Variants in SI observed in about 807,000 individuals in gnomAD.
SI encodes sucrase-isomaltase, also known as sucrase-isomaltase, intestinal.
SI carries 235 observed loss-of-function variants against 253.3 expected under a neutral mutation model. That is an observed-to-expected ratio of 0.93 (90% CI 0.83 to 1.03). The LOEUF (loss-of-function observed/expected upper bound fraction) is 1.03. Ranked by LOEUF, SI falls within the 50% of genes least tolerant of loss-of-function variation. The probability of loss-of-function intolerance (pLI) is 0.00; values close to 1 mark genes in which losing one functional copy is unlikely to be tolerated. For missense variants in SI, 2,442 were observed against 2,211.1 expected, an observed-to-expected ratio of 1.10 and a Z score of -2.09; for synonymous variants, 819 against 712.0, an observed-to-expected ratio of 1.15 and a Z score of -2.39.
At position 165,043,088 on chromosome 3, in the gene SI, A is replaced by T. The variant is rs1712930777; in HGVS notation, c.1975T>A (p.Ser659Thr). The change falls in exon 17 of 48, where the codon TCC (serine) becomes ACC (threonine). Residue 659 changes from serine to threonine, a missense_variant. Transcript: ENST00000264382. ...WMQLGAFYPF[S>T]RNHNSDGYEH... ...TATCCGTCAGAATTATGGTTTCTGG[A>T]AAATGGATAAAATGCCCCAAGTTGC... 2 of 1,611,470 alleles carry T rather than the reference A, an allele frequency of 1.2e-6. No homozygotes were observed. Among genetic ancestry groups the T allele is most frequent in the East Asian group, 4.5e-5 (2 of 44,714 alleles).
At chr3:165,034,253 C>A (rs1412944950) in intron 22 of SI, among the ~76,000 whole-genome samples, 2 of 151,854 alleles carry the variant, frequency 1.3e-5, no homozygotes, top group Non-Finnish European at 2.9e-5. Context: ...ATGCACATAG[C>A]TACATAGGTA....
At chr3:165,023,805 G>C (rs1559994202) in intron 25 of SI, 29 bp from the exon 26 acceptor site, 1 of 1,467,856 alleles carries the variant, frequency 6.8e-7, no homozygotes, top group Admixed American at 1.7e-5. Context: ...TTCATTGCCA[G>C]AAATTATAAG....
At chr3:165,025,604 G>A (rs1711868990) in intron 25 of SI, among the ~76,000 whole-genome samples, 1 of 151,014 alleles carries the variant, frequency 6.6e-6, no homozygotes, top group South Asian at 2.1e-4. Flanking sequence ...TGAGGCAAAA[G>A]CACTAGCTAA....
At chr3:165,055,330 T>C (rs752077701) in intron 12 of SI, 23 bp from the exon 13 acceptor site, 2 of 1,181,704 alleles carry the variant, frequency 1.7e-6, no homozygotes, top group Non-Finnish European at 2.5e-6. Flanking sequence ...ATCATTCACA[T>C]ATATACATAA....
intron 41 of SI, among the ~76,000 whole-genome samples, chr3:164,992,963 T>G (rs189801613): frequency 9.9e-5 from 15 of 151,912 alleles, no homozygotes; most frequent in Admixed American, 9.2e-4. Flanking sequence ...TTTAATGGCT[T>G]AAGAGCCACT....
chr3:165,073,861 C>T (rs1444369453), intron 3 of SI, among the ~76,000 whole-genome samples: 8 of 152,028 alleles, frequency 5.3e-5, no homozygotes, highest in African/African-American at 1.9e-4. Context: ...AGGTTATATG[C>T]AAATACTGCC....
intron 35 of SI, 108 bp downstream of exon 35, chr3:165,009,171 A>T: frequency 1.3e-6 from 1 of 777,048 alleles, no homozygotes; most frequent in Non-Finnish European, 2.2e-6. Context: ...AAAGTGGACT[A>T]GTTTTCAAAT....
chr3:165,028,593 A>C (rs950238057), intron 25 of SI, among the ~76,000 whole-genome samples: 4 of 151,452 alleles, frequency 2.6e-5, no homozygotes, highest in African/African-American at 9.7e-5. Context: ...AAATAATCAC[A>C]TAGACCAATG....
chr3:165,075,188 G>A (rs1714872118), intron 2 of SI, among the ~76,000 whole-genome samples: 1 of 151,938 alleles, frequency 6.6e-6, no homozygotes, highest in Non-Finnish European at 1.5e-5. Context: ...CCAGCAATGA[G>A]ATATCATTAA....
intron 13 of SI, among the ~76,000 whole-genome samples, chr3:165,054,461 C>A (rs1384961338): frequency 1.3e-5 from 2 of 152,062 alleles, no homozygotes; most frequent in African/African-American, 4.8e-5. Context: ...CAACCTCCAC[C>A]TCCCGGGTTC....
chr3:165,036,271 C>T (rs1243104292), intron 22 of SI, 118 bp downstream of exon 22: 1 of 711,378 alleles, frequency 1.4e-6, no homozygotes, highest in Non-Finnish European at 2.5e-6. Context: ...AGATAAAAAA[C>T]ATTAGGAATT....
In SI at chr3:165,069,119, T is replaced by C. The variant is rs759510848; in HGVS notation, c.332A>G (p.Asn111Ser). The change falls in exon 4 of 48, where the codon AAT (asparagine) becomes AGT (serine). Residue 111 changes from asparagine to serine, a missense_variant. Coordinates refer to ENST00000264382, the MANE Select transcript of SI (RefSeq NM_001041.4). ...SLIPWCFFVD[N>S]HGYNVQDMTT... is the part of the protein sequence containing the mutation. ...CATGTCTTGAACGTTATAACCATGA[T>C]TATCAACGAAGAAGCACCAAGGAAT... 1.2e-6 allele frequency: 2 copies of C among 1,613,134 alleles called. No individual in the cohort carries two copies. The highest frequency in any genetic ancestry group is 1.1e-5 in the South Asian group (1 of 91,074).
At chr3:165,022,986 T>C (rs1444776110) in intron 26 of SI, among the ~76,000 whole-genome samples, 1 of 151,560 alleles carries the variant, frequency 6.6e-6, no homozygotes, top group African/African-American at 2.4e-5. Context: ...TATTATTTGA[T>C]TTTTTCATTT....
At chr3:164,993,737 T>A (rs1717883208) in intron 41 of SI, among the ~76,000 whole-genome samples, 3 of 151,664 alleles carry the variant, frequency 2.0e-5, no homozygotes, top group Admixed American at 6.6e-5. Flanking sequence ...ATTTTTAAGA[T>A]TTGGTCATAT....
chr3:165,024,967 G>A (rs985012742), intron 25 of SI, among the ~76,000 whole-genome samples: 4 of 151,150 alleles, frequency 2.6e-5, no homozygotes, highest in African/African-American at 9.7e-5. Flanking sequence ...TTATCTTACT[G>A]ACAAACAATT....
chr3:165,011,848 G>A lies in SI; in HGVS notation c.4062+1132C>T, dbSNP rs1007684973. Among the ~76,000 whole-genome samples, 3 of 150,172 alleles carry A rather than the reference G, an allele frequency of 2.0e-5. No homozygotes were observed. In the South Asian group the frequency reaches 6.3e-4, roughly 31 times the overall value. ...GGCAACAAAGTCTTCAAACAGCATT[G>A]CTGTTTCTCATTTCAGTTCTGTTAA... On this transcript the variant is annotated intron_variant, in intron 34 of 47. Coordinates refer to ENST00000264382, the MANE Select transcript of SI (RefSeq NM_001041.4).
intron 32 of SI, 66 bp downstream of exon 32, chr3:165,015,885 CA>C: frequency 1.5e-6 from 2 of 1,364,192 alleles, no homozygotes; most frequent in East Asian, 4.6e-5. Context: ...TCTTCCCCCC[CA>C]CCTGCTCATT....
intron 24 of SI, 143 bp downstream of exon 24, chr3:165,032,379 A>C (rs1712295706): frequency 1.8e-6 from 1 of 566,374 alleles, no homozygotes; most frequent in South Asian, 2.6e-5. Flanking sequence ...AAAGTGAAGA[A>C]AAAAATGAAG....
intron 12 of SI, among the ~76,000 whole-genome samples, chr3:165,056,229 A>G (rs1713687762): frequency 6.6e-6 from 1 of 152,148 alleles, no homozygotes; most frequent in African/African-American, 2.4e-5. Flanking sequence ...AAGGGTAGGA[A>G]ATTGTGTGGG....
Sources: gnomAD v4.1 joint callset for allele counts (sites outside exome capture counted in the v4.1 genomes callset) on GRCh38, gnomAD v4.1.1 for gene constraint, MANE v1.5 for transcripts, NCBI Gene and HGNC (gene_info 2026-07-23, HGNC 2026-07-21) for gene names.